Variants in GRM7 observed in about 807,000 individuals in gnomAD.
GRM7 encodes metabotropic glutamate receptor 7.
In GRM7, 35 loss-of-function variants were observed where a neutral mutation model predicts 84.5. The ratio of observed to expected loss-of-function variants is 0.41; its 90% CI spans 0.32 to 0.55. The LOEUF (loss-of-function observed/expected upper bound fraction) is 0.55. Ranked by LOEUF, GRM7 falls within the 20% of genes least tolerant of loss-of-function variation. The pLI, the probability that GRM7 is intolerant of heterozygous loss-of-function variation, is 0.19. For synonymous variants in GRM7, 487 were observed against 455.1 expected, an observed-to-expected ratio of 1.07 and a Z score of -0.89; for missense variants, 1,003 against 1,194.6, an observed-to-expected ratio of 0.84 and a Z score of 2.36.
At chr3:7,698,823 A>G (rs1701116253) in intron 9 of GRM7, among the ~76,000 whole-genome samples, 1 of 152,180 alleles carries the variant, frequency 6.6e-6, no homozygotes, top group African/African-American at 2.4e-5. Context: ...ATGATGGGTA[A>G]GCCTGGAGAA....
rs151090871 is a variant in GRM7, at chr3:7,366,156, A to G, written c.1034-48867A>G. On this transcript the variant is annotated intron_variant, in intron 4 of 9. Transcript: ENST00000357716. The stretch of plus-strand genomic sequence containing the variant: ...CCTTACTTCCTGTAGATCTAAAATC[A>G]TACCTTCCATCCCCAAAAGGACTTT... Among the ~76,000 whole-genome samples, 776 of 151,826 alleles carry G rather than the reference A, an allele frequency of 5.1e-3. 13 individuals are homozygous for G. Among genetic ancestry groups the G allele is most frequent in the African/African-American group, 0.018 (749 of 41,476 alleles).
intron 8 of GRM7, among the ~76,000 whole-genome samples, chr3:7,676,029 G>T (rs1700107628): frequency 6.6e-6 from 1 of 152,018 alleles, no homozygotes; most frequent in Non-Finnish European, 1.5e-5. Context: ...AGGCTGGAGT[G>T]CAGTGGCGTG....
intron 2 of GRM7, among the ~76,000 whole-genome samples, chr3:7,234,047 G>A (rs894191913): frequency 2.0e-5 from 3 of 152,076 alleles, no homozygotes; most frequent in African/African-American, 7.2e-5. Context: ...AGGCTTTAAT[G>A]TTTTTAATAT....
intron 2 of GRM7, among the ~76,000 whole-genome samples, chr3:7,212,097 A>T (rs1043238638): frequency 6.6e-6 from 1 of 151,994 alleles, no homozygotes; most frequent in African/African-American, 2.4e-5. Context: ...CACAATTTCC[A>T]GTTGAAGTAC....
Position 7,579,033 on chromosome 3 carries a change from A to C in GRM7, c.2127A>C (p.Leu709Phe). 1.2e-6 allele frequency: 2 copies of C among 1,614,106 alleles called. No individual in the cohort carries two copies. ...CACAACTGGCAATCACTTCCAGTTT[A>C]ATATCAGTTCAGCTTCTAGGGGTGT... ...PTSQLAITSS[L>F]ISVQLLGVFI... The change falls in exon 8 of 10, where the codon TTA (leucine) becomes TTC (phenylalanine). Residue 709 changes from leucine to phenylalanine, a missense_variant. Physicochemically the swap from Leu to Phe is conservative, Grantham distance 22. Around this residue, in one of 2 missense-constraint regions of GRM7, gnomAD observed 910 missense variants for 1,126.0 expected, o/e 0.81. Transcript: ENST00000357716.
chr3:7,182,865 G>A (rs1176826167), intron 2 of GRM7, among the ~76,000 whole-genome samples: 1 of 142,388 alleles, frequency 7.0e-6, no homozygotes, highest in African/African-American at 2.6e-5. Flanking sequence ...TTGTGACCTT[G>A]TGTGCTAGGT....
At chr3:6,931,441 C>A (rs1487304135) in intron 1 of GRM7, among the ~76,000 whole-genome samples, 1 of 152,186 alleles carries the variant, frequency 6.6e-6, no homozygotes, top group Non-Finnish European at 1.5e-5. Context: ...TCCCACCTTC[C>A]ATTACGTGGC....
intron 1 of GRM7, among the ~76,000 whole-genome samples, chr3:7,039,215 G>T (rs2124938514): frequency 6.6e-6 from 1 of 152,278 alleles, no homozygotes; most frequent in East Asian, 1.9e-4. Context: ...AGTTTGCATG[G>T]TTCCTTTCAA....
intron 1 of GRM7, among the ~76,000 whole-genome samples, chr3:6,903,338 T>C (rs866416692): frequency 6.6e-6 from 1 of 152,068 alleles, no homozygotes; most frequent in Non-Finnish European, 1.5e-5. Flanking sequence ...TTTGTATGGA[T>C]TTTTGAAAAA....
At chr3:7,340,727 T>C (rs1322123528) in intron 4 of GRM7, among the ~76,000 whole-genome samples, 2 of 152,170 alleles carry the variant, frequency 1.3e-5, no homozygotes, top group Non-Finnish European at 2.9e-5. Flanking sequence ...TTTGCCACTT[T>C]ATTCTAGAGA....
At chr3:7,537,650 T>C (rs985390182) in intron 7 of GRM7, among the ~76,000 whole-genome samples, 1 of 152,202 alleles carries the variant, frequency 6.6e-6, no homozygotes, top group Non-Finnish European at 1.5e-5. Flanking sequence ...CATAAAATAC[T>C]TAGAATCTGT....
rs549071336 is a variant in GRM7 at position 6,877,027 on chromosome 3, G to A, written c.519+15120G>A. ...TGCAAGCTTACAGGAGGTGAGGAGT[G>A]TGTGGAGGAATTTCAGCCAATTGAA... is the stretch of plus-strand genomic sequence containing the variant. On this transcript the variant is annotated intron_variant, in intron 1 of 9. Coordinates refer to ENST00000357716, the MANE Select transcript of GRM7 (RefSeq NM_000844.4). Among the ~76,000 whole-genome samples the A allele has an allele frequency of 2.5e-3, 381 of 152,316 alleles. 1 individual carries two copies. The highest frequency in any genetic ancestry group is 7.7e-3 in the African/African-American group (322 of 41,564).
intron 1 of GRM7, among the ~76,000 whole-genome samples, chr3:6,897,244 C>T (rs548742572): frequency 6.6e-6 from 1 of 152,162 alleles, no homozygotes; most frequent in Admixed American, 6.5e-5. Flanking sequence ...ACTGCTTGTC[C>T]TGCTAGTTCT....
intron 1 of GRM7, among the ~76,000 whole-genome samples, chr3:7,077,112 T>C (rs1698113811): frequency 6.6e-6 from 1 of 152,190 alleles, no homozygotes; most frequent in Non-Finnish European, 1.5e-5. Flanking sequence ...GGAAAGCTTT[T>C]ACACTGTGGG....
intron 8 of GRM7, among the ~76,000 whole-genome samples, chr3:7,594,935 T>C (rs1695967124): frequency 7.3e-6 from 1 of 137,512 alleles, no homozygotes; most frequent in Non-Finnish European, 1.6e-5. Flanking sequence ...CTAGTCTTCC[T>C]TTCTGTGTGT....
At chr3:7,033,322 A>G (rs1253428768) in intron 1 of GRM7, among the ~76,000 whole-genome samples, 1 of 152,150 alleles carries the variant, frequency 6.6e-6, no homozygotes, top group Non-Finnish European at 1.5e-5. Flanking sequence ...AATGGATTCC[A>G]GGTGGACATG....
intron 1 of GRM7, among the ~76,000 whole-genome samples, chr3:6,954,086 C>A (rs1205631053): frequency 6.6e-6 from 1 of 152,006 alleles, no homozygotes; most frequent in African/African-American, 2.4e-5. Flanking sequence ...ATATATAAAA[C>A]AAATATGCAT....
chr3:7,634,441 G>C (rs1467859777), intron 8 of GRM7, among the ~76,000 whole-genome samples: 2 of 134,496 alleles, frequency 1.5e-5, no homozygotes, highest in Non-Finnish European at 3.1e-5. Context: ...TTTCCACTAA[G>C]GGTTGAATGA....
At chr3:7,375,942 C>A (rs1232087225) in intron 4 of GRM7, among the ~76,000 whole-genome samples, 1 of 152,136 alleles carries the variant, frequency 6.6e-6, no homozygotes, top group Admixed American at 6.6e-5. Context: ...ACTAGACCAA[C>A]ATCTCCCTGA....
Sources: gnomAD v4.1 joint callset for allele counts (sites outside exome capture counted in the v4.1 genomes callset) on GRCh38, gnomAD v4.1.1 for gene constraint, gnomAD v4.1.1 regional missense constraint, MANE v1.5 for transcripts, NCBI Gene and HGNC (gene_info 2026-07-23, HGNC 2026-07-21) for gene names.